The following ARHGEF1 variants were observed in gnomAD, a reference collection of about 807,000 sequenced individuals.
ARHGEF1 encodes the protein Rho guanine nucleotide exchange factor 1.
A neutral mutation model predicts 119.7 loss-of-function variants in ARHGEF1; 40 were observed. The ratio of observed to expected loss-of-function variants is 0.33; its 90% CI spans 0.26 to 0.44. ARHGEF1 has a LOEUF of 0.44. ARHGEF1 is among the 20% of genes least tolerant of loss of function. The pLI is 1.00. For synonymous variants in ARHGEF1, 494 were observed against 521.0 expected (o/e 0.95, Z 0.71); for missense variants, 976 against 1,268.3 (o/e 0.77, Z 3.50).
intron 18 of ARHGEF1, among the ~76,000 whole-genome samples, chr19:41,915,308 C>G (rs1212880240): frequency 2.0e-5 from 3 of 151,688 alleles, no homozygotes; most frequent in Non-Finnish European, 2.9e-5. Flanking sequence ...TCTGCCATCT[C>G]GCAGTCTCTG....
At chr19:41,908,978 C>T (rs1473259774), downstream of ARHGEF1, 2 of 901,982 alleles carry the variant, frequency 2.2e-6, no homozygotes, top group Non-Finnish European at 2.9e-6. This position sits in a 1 kb window ranked among gnomAD's most constrained non-coding sequence, Gnocchi z 6.7. Flanking sequence ...CATCTCTTCT[C>T]TTGTCTTTTC....
At chr19:41,928,613 G>T in intron 1 of ARHGEF1, 1 of 181,904 alleles carries the variant, frequency 5.5e-6, no homozygotes, top group South Asian at 7.8e-5. Flanking sequence ...GCGGCGCGGG[G>T]GAGGGGGCGG....
rs959572211 is a variant in ARHGEF1 at position 41,917,431 on chromosome 19, C to T, written c.1866-5661C>T. Among the ~76,000 whole-genome samples the T allele has an allele frequency of 6.6e-6, 1 of 152,000 alleles. No individual in the cohort carries two copies. The highest frequency in any genetic ancestry group is 1.5e-5 in the Non-Finnish European group (1 of 67,974). On this transcript the variant is annotated intron_variant, in intron 18 of 20. Coordinates refer to the ARHGEF1 transcript ENST00000599589. This position sits in a 1 kb window ranked among gnomAD's most constrained non-coding sequence, Gnocchi z 4.8. ...GCGCCGGCCGCCTCGGGAGCCGCCT[C>T]GGGCCTCGCACCCCCACCACCAGCC...
At chr19:41,928,810 T>A (rs1555853571) in intron 1 of ARHGEF1, 1 of 428,026 alleles carries the variant, frequency 2.3e-6, no homozygotes, top group Middle Eastern at 4.1e-4. Flanking sequence ...TCCCTTCTCC[T>A]CCGCCCCGCT....
intron 13 of ARHGEF1, chr19:41,897,757 CTCTGTCCCTGTCCTCGTCTCTCCCCAATT>C (rs1555848166): frequency 1.9e-6 from 1 of 519,860 alleles, no homozygotes; most frequent in Non-Finnish European, 3.1e-6. Flanking sequence ...CTCTCCCCGT[CTCTGTCCCTGTCCTCGTCTCTCCCCAATT>C]TCTGTCCCTG....
In ARHGEF1 at chr19:41,899,955, A is replaced by G. The variant is rs143310673; in HGVS notation, c.1267+1368A>G. Among the ~76,000 whole-genome samples the G allele has an allele frequency of 1.1e-4, 17 of 151,568 alleles. No individual in the cohort carries two copies. The East Asian group carries it at 3.3e-3, about 29-fold the overall frequency. On this transcript the variant is annotated intron_variant, in intron 14 of 28. Coordinates refer to ENST00000354532, the MANE Select transcript of ARHGEF1 (RefSeq NM_004706.4). ...AAAAAACATGAGCCATGTGCTACCC[A>G]TTAGGACTTTCTGGAAGATGGAAAT...
chr19:41,905,115 G>A lies in ARHGEF1; in HGVS notation c.2250-60G>A, dbSNP rs1355692613. ...TTCCCAGGGACAGGAGGGCTGTGGG[G>A]AGGCCCTGGCATAGGGTCTGGGGGC... On this transcript the variant is annotated intron_variant, in intron 23 of 28. Coordinates refer to ENST00000354532, the MANE Select transcript of ARHGEF1 (RefSeq NM_004706.4). The surrounding 1 kb of genome is among the most constrained non-coding windows in gnomAD (Gnocchi z 6.4). The A allele has an allele frequency of 6.2e-7, 1 of 1,608,698 alleles. No homozygotes were observed. Among genetic ancestry groups the A allele is most frequent in the Non-Finnish European group, 8.5e-7 (1 of 1,175,110 alleles).
chr19:41,922,972 A>C, upstream of ARHGEF1: 2 of 367,152 alleles, frequency 5.4e-6, no homozygotes, highest in Non-Finnish European at 1.1e-5. Flanking sequence ...ACTCACTCCC[A>C]CTGACAGCCA....
intron 1 of ARHGEF1, among the ~76,000 whole-genome samples, chr19:41,926,623 G>T (rs1014387772): frequency 5.0e-4 from 76 of 152,150 alleles, no homozygotes; most frequent in Non-Finnish European, 1.3e-4. Context: ...TCTGGGCTAG[G>T]CGAGGCCTGG....
At chr19:41,910,205 A>G, downstream of ARHGEF1, 2 of 1,056,132 alleles carry the variant, frequency 1.9e-6, no homozygotes, top group Non-Finnish European at 2.7e-6. The surrounding 1 kb of genome is among the most constrained non-coding windows in gnomAD (Gnocchi z 4.4). Flanking sequence ...CTCCAGTCTC[A>G]GGCATCTTTA....
At chr19:41,884,094 G>A (rs1349206225) in intron 1 of ARHGEF1, among the ~76,000 whole-genome samples, 2 of 152,166 alleles carry the variant, frequency 1.3e-5, no homozygotes, top group Non-Finnish European at 2.9e-5. Context: ...GCCCCAGTCC[G>A]CCGTCCGAGT....
At chr19:41,912,172 C>T (rs1397251804), downstream of ARHGEF1, among the ~76,000 whole-genome samples, 4 of 152,232 alleles carry the variant, frequency 2.6e-5, no homozygotes, top group Admixed American at 2.6e-4. Context: ...CACGTACAAG[C>T]AAATACACAA....
downstream of ARHGEF1, chr19:41,910,025 A>C: frequency 6.2e-7 from 1 of 1,613,648 alleles, no homozygotes. This position sits in a 1 kb window ranked among gnomAD's most constrained non-coding sequence, Gnocchi z 4.4. Flanking sequence ...CTCCAGGATA[A>C]AGTGCCACAG....
chr19:41,914,546 T>TCCCTCTCTTTCCACCATCTCTGTCTC (rs2074775480), intron 18 of ARHGEF1, among the ~76,000 whole-genome samples: 3 of 118,384 alleles, frequency 2.5e-5, no homozygotes, highest in Admixed American at 1.7e-4. Context: ...CTATCCGTCT[T>TCCCTCTCTTTCCACCATCTCTGTCTC]TCCCTCCCCT....
In ARHGEF1 at chr19:41,923,097, C is replaced by T. The variant is rs530059967; in HGVS notation, c.6C>T (p.Pro2=). The T allele has an allele frequency of 1.1e-3, 518 of 455,624 alleles. 9 individuals carry two copies. Among genetic ancestry groups the T allele is most frequent in the South Asian group, 7.9e-3 (509 of 64,460 alleles). The allele number at this position is 455,624 out of a possible 1,614,324, so 28.2% of individuals were successfully genotyped here. A position where few individuals can be genotyped will look rare whatever the true frequency, so the allele number is the denominator to read the frequency against. Residue 2 remains proline, a synonymous_variant, in exon 1 of 3, where the codon CCC becomes CCT. Transcript: ENST00000594417. ...AGGCCTTTTGCTTCCCTCAGCACCC[C>T]ATCCTCACCACCACCTGTGAGGTAG...
At chr19:41,924,187 A>G (rs1406451561) in intron 1 of ARHGEF1, among the ~76,000 whole-genome samples, 2 of 151,710 alleles carry the variant, frequency 1.3e-5, no homozygotes, top group Non-Finnish European at 2.9e-5. Context: ...AGTGTCACCA[A>G]AGTCCCTAGG....
chr19:41,927,874 C>T (rs1462542454), intron 1 of ARHGEF1, among the ~76,000 whole-genome samples: 1 of 152,004 alleles, frequency 6.6e-6, no homozygotes, highest in Non-Finnish European at 1.5e-5. Flanking sequence ...GGCGCTGCCC[C>T]ACCTGCCCCT....
chr19:41,925,832 G>A (rs1232479227), intron 1 of ARHGEF1, among the ~76,000 whole-genome samples: 1 of 152,158 alleles, frequency 6.6e-6, no homozygotes, highest in African/African-American at 2.4e-5. Flanking sequence ...GGAAGGGCAG[G>A]TGTTGGGGTG....
chr19:41,897,170 G>T (rs1555847967), intron 13 of ARHGEF1: 1 of 738,076 alleles, frequency 1.4e-6, no homozygotes, highest in Non-Finnish European at 2.0e-6. Context: ...GTGCCCTGGG[G>T]GCCCTGTCCC....
Sources: gnomAD v4.1 joint callset for allele counts (sites outside exome capture counted in the v4.1 genomes callset) on GRCh38, gnomAD v4.1.1 for gene constraint, Gnocchi (gnomAD v3.1) non-coding constraint, MANE v1.5 for transcripts, NCBI Gene and HGNC (gene_info 2026-07-23, HGNC 2026-07-21) for gene names.